ZNF7: variants seen among roughly 807,000 people sequenced by gnomAD.
ZNF7 encodes zinc finger protein 7, also known as C2-H2 type zinc finger protein.
A neutral mutation model predicts 12.0 loss-of-function variants in ZNF7; 10 were observed. The ratio of observed to expected loss-of-function variants is 0.83; its 90% CI spans 0.51 to 1.42. The LOEUF (loss-of-function observed/expected upper bound fraction) is 1.42. Among genes scored for constraint, ZNF7 ranks in the 40% most tolerant of loss-of-function variants. ZNF7 has a pLI of 0.00. For missense variants in ZNF7, 854 were observed against 837.2 expected (o/e 1.02, Z -0.25); for synonymous variants, 334 against 295.0 (o/e 1.13, Z -1.35).
chr8:144,832,613 G>A (rs1044171721), intron 3 of ZNF7, among the ~76,000 whole-genome samples: 10 of 150,126 alleles, frequency 6.7e-5, no homozygotes, highest in Non-Finnish European at 1.5e-4. Context: ...TTGTAATCTT[G>A]GCTTCTCAGG....
downstream of ZNF7, chr8:144,845,848 G>C (rs1385712309): frequency 1.2e-6 from 1 of 826,068 alleles, no homozygotes; most frequent in Non-Finnish European, 1.9e-6. Context: ...CTGTGCACGT[G>C]GAGTATGTGT....
intron 4 of ZNF7, among the ~76,000 whole-genome samples, chr8:144,839,136 G>A (rs369819395): frequency 1.7e-5 from 1 of 59,568 alleles, no homozygotes; most frequent in South Asian, 8.4e-4. Flanking sequence ...ATTCATATGC[G>A]CCTAGGGGCT....
intron 3 of ZNF7, 29 bp downstream of exon 3, chr8:144,829,633 C>G (rs1305624513): frequency 6.3e-7 from 1 of 1,586,086 alleles, no homozygotes; most frequent in African/African-American, 1.3e-5. Context: ...GCCCCTTCCC[C>G]TGCATCATCA....
Position 144,842,391 on chromosome 8 carries a change from GAGTC to G in ZNF7, c.1287_1290del (p.Gln430IlefsTer3), listed in dbSNP as rs1563844081. ...AAGCTTTTAGGTGGATCTCTCGCCT[GAGTC>G]AGCATCAGCTGATTCACACTGGAGA... On this transcript the variant is annotated frameshift_variant, in exon 5 of 5. Coordinates refer to ENST00000532777, the MANE Select transcript of ZNF7 (RefSeq NM_003416.4). LOFTEE classifies it low-confidence loss of function (END_TRUNC). 1 of 1,614,030 alleles carries G rather than the reference GAGTC, an allele frequency of 6.2e-7. No individual in the cohort carries two copies. Among genetic ancestry groups the G allele is most frequent in the Non-Finnish European group, 8.5e-7 (1 of 1,180,026 alleles).
chr8:144,828,846 A>G (rs1828104014), intron 1 of ZNF7, 197 bp from the exon 2 acceptor site: 2 of 660,990 alleles, frequency 3.0e-6, no homozygotes, highest in Non-Finnish European at 5.1e-6. Flanking sequence ...CCACACACAC[A>G]TACACTCTAA....
downstream of ZNF7, chr8:144,846,097 GCT>G (rs1407270010): frequency 6.5e-7 from 1 of 1,535,942 alleles, no homozygotes; most frequent in Non-Finnish European, 8.7e-7. Context: ...CTCCTCCTGG[GCT>G]CTCGTCATCT....
chr8:144,828,668 G>T lies in ZNF7; in HGVS notation c.-45-375G>T, dbSNP rs940476823. Reference sequence around the variant, plus strand: ...GTGGCTTTCATAGTTCCCTGTACTTGAGCGCTGTCGTGGTTGCAGTGTGCT... The same window carrying T: ...GTGGCTTTCATAGTTCCCTGTACTTTAGCGCTGTCGTGGTTGCAGTGTGCT... On this transcript the variant is annotated intron_variant, in intron 1 of 4. Transcript: ENST00000532777. The T allele has an allele frequency of 1.2e-5, 3 of 241,950 alleles. No individual in the cohort carries two copies. In the South Asian group the frequency reaches 1.7e-4, roughly 14 times the overall value. 15.0% of individuals were successfully genotyped at this position (241,950 alleles called of 1,614,324 possible). A position where few individuals can be genotyped will look rare whatever the true frequency, so the allele number is the denominator to read the frequency against.
chr8:144,828,415 CCTGCCTTCTCCAACCTCCAGTCGCTCA>C (rs1287018183), intron 1 of ZNF7, among the ~76,000 whole-genome samples: 99 of 152,118 alleles, frequency 6.5e-4, no homozygotes, highest in Non-Finnish European at 1.2e-3. Context: ...CATTTTTGCT[CCTGCCTTCTCCAACCTCCAGTCGCTCA>C]CTGCCTTCCC....
At position 144,843,104 on chromosome 8, in the gene ZNF7, A is replaced by G. The variant is rs757818311; in HGVS notation, c.1997A>G (p.Asp666Gly). Residue 666 changes from aspartate to glycine, a missense_variant, in exon 5 of 5, where the codon GAC (aspartate) becomes GGC (glycine). By Grantham distance (94) the Asp-to-Gly change is moderately conservative. Transcript: ENST00000532777. ...HTGEKPYKCN[D>G]CGKAFNRSSR... Reference sequence around the variant, plus strand: ...GGGGAGAAGCCTTATAAATGCAATGACTGTGGCAAAGCTTTTAATCGTAGC... The same window carrying G: ...GGGGAGAAGCCTTATAAATGCAATGGCTGTGGCAAAGCTTTTAATCGTAGC... 8.7e-6 allele frequency: 14 copies of G among 1,612,268 alleles called. No individual in the cohort carries two copies. The highest frequency in any genetic ancestry group is 1.2e-5 in the Non-Finnish European group (14 of 1,179,374).
In ZNF7 at chr8:144,842,305, C is replaced by G; in HGVS notation, c.1198C>G (p.Leu400Val). Residue 400 changes from leucine to valine, a missense_variant, in exon 5 of 5, where the codon CTT becomes GTT. Leu to Val is a conservative substitution (Grantham distance 32, BLOSUM62 1). Transcript: ENST00000532777. ...TCTAAAAGCCTCAGACAGTCCAAGC[C>G]TTGTTGCACATCAGAGAATTCACGC... ...QILKASDSPSLVAHQRIHAVE... is the reference protein window; with the variant it reads ...QILKASDSPSVVAHQRIHAVE... 2 of 1,614,024 alleles carry G rather than the reference C, an allele frequency of 1.2e-6. No homozygotes were observed. The highest frequency in any genetic ancestry group is 1.7e-6 in the Non-Finnish European group (2 of 1,180,048).
chr8:144,844,239 C>CA (rs1452402285), downstream of ZNF7, among the ~76,000 whole-genome samples: 2 of 152,280 alleles, frequency 1.3e-5, no homozygotes, highest in East Asian at 1.9e-4. Flanking sequence ...CTGGGCCTGT[C>CA]AGAGAACGAG....
chr8:144,840,185 G>C (rs1455114750), intron 4 of ZNF7, among the ~76,000 whole-genome samples: 1 of 152,266 alleles, frequency 6.6e-6, no homozygotes, highest in African/African-American at 2.4e-5. Context: ...TGCTGAGGTG[G>C]TGTGGTTGTG....
At chr8:144,841,088 G>GT (rs1451650423) in intron 4 of ZNF7, 2 of 448,418 alleles carry the variant, frequency 4.5e-6, no homozygotes, top group Admixed American at 7.8e-5. Flanking sequence ...ACCAGTGCCT[G>GT]TAGGATGGAC....
Position 144,841,506 on chromosome 8 carries a change from C to T in ZNF7, c.399C>T (p.Asp133=). ...TTTCTGATTCTGAGGTCTGGTTAGA[C>T]AGTCATCTGGGCAGTCCCGGGCTGA... ...GDVSDSEVWL[D]SHLGSPGLKV... Residue 133 remains aspartate, a synonymous_variant, in exon 5 of 5, where the codon GAC becomes GAT. Coordinates refer to ENST00000532777, the MANE Select transcript of ZNF7 (RefSeq NM_003416.4). 6.2e-7 allele frequency: 1 copy of T among 1,614,186 alleles called. No homozygotes were observed. Among genetic ancestry groups the T allele is most frequent in the Non-Finnish European group, 8.5e-7 (1 of 1,180,042 alleles).
rs553661336 is a variant in ZNF7, at chr8:144,828,898, A to G, written c.-45-145A>G. 8.8e-6 allele frequency: 9 copies of G among 1,018,460 alleles called. No individual in the cohort carries two copies. In the African/African-American group the frequency reaches 1.3e-4, roughly 14 times the overall value. 63.1% of individuals were successfully genotyped at this position (1,018,460 alleles called of 1,614,324 possible). On this transcript the variant is annotated intron_variant, in intron 1 of 4. Transcript: ENST00000532777. ...AGTGGGCCTCCTTCACTCAAGTGCC[A>G]TGGCTGCTTCAGCCCAGCCCCATGT...
intron 4 of ZNF7, among the ~76,000 whole-genome samples, chr8:144,839,872 G>C (rs1326992565): frequency 1.3e-5 from 2 of 152,324 alleles, no homozygotes; most frequent in East Asian, 3.9e-4. Flanking sequence ...CCCCCTGCTG[G>C]GTGGTTCCTG....
rs2975302 is a variant in ZNF7 at position 144,842,682 on chromosome 8, C to T, written c.1575C>T (p.Tyr525=). 1.0e-3 allele frequency: 1,651 copies of T among 1,614,076 alleles called. 25 individuals carry two copies. In the African/African-American group the frequency reaches 0.019, roughly 19 times the overall value. ...HQRIHKGEKP[Y]ECLQCGKAFS... Reference sequence around the variant, plus strand: ...GAATCCATAAAGGAGAGAAGCCCTACGAATGCCTCCAATGCGGAAAAGCCT... The same window carrying T: ...GAATCCATAAAGGAGAGAAGCCCTATGAATGCCTCCAATGCGGAAAAGCCT... The change falls in exon 5 of 5, where the codon TAC becomes TAT. Residue 525 remains tyrosine (Y), a synonymous_variant. Coordinates refer to ENST00000532777, the MANE Select transcript of ZNF7 (RefSeq NM_003416.4).
chr8:144,842,893 C>G lies in ZNF7; in HGVS notation c.1786C>G (p.Leu596Val). 6.2e-7 allele frequency: 1 copy of G among 1,614,196 alleles called. No individual in the cohort carries two copies. Among genetic ancestry groups the G allele is most frequent in the Non-Finnish European group, 8.5e-7 (1 of 1,180,034 alleles). Residue 596 changes from leucine to valine, a missense_variant, in exon 5 of 5, where the codon CTT (leucine) becomes GTT (valine). Transcript: ENST00000532777. ...CGKAFSRSSY[L>V]IEHQRIHTRA... ...AAAAGCCTTCAGCCGGAGCTCATAT[C>G]TTATTGAACACCAGAGAATACACAC...
chr8:144,842,110 G>C lies in ZNF7; in HGVS notation c.1003G>C (p.Gly335Arg). Residue 335 changes from glycine (G) to arginine (R), a missense_variant, in exon 5 of 5, where the codon GGT becomes CGT. Coordinates refer to ENST00000532777, the MANE Select transcript of ZNF7 (RefSeq NM_003416.4). ...QRIHTGERPY[G>R]CRECGKAFSQ... ...AATCCACACAGGAGAGAGGCCCTATGGTTGTCGTGAGTGTGGGAAAGCCTT... is the reference window on the plus strand; with the variant it reads ...AATCCACACAGGAGAGAGGCCCTATCGTTGTCGTGAGTGTGGGAAAGCCTT... 1 of 1,614,054 alleles carries C rather than the reference G, an allele frequency of 6.2e-7. No homozygotes were observed. Among genetic ancestry groups the C allele is most frequent in the Non-Finnish European group, 8.5e-7 (1 of 1,179,996 alleles).
Sources: gnomAD v4.1 joint callset for allele counts (sites outside exome capture counted in the v4.1 genomes callset) on GRCh38, gnomAD v4.1.1 for gene constraint, MANE v1.5 for transcripts, NCBI Gene and HGNC (gene_info 2026-07-23, HGNC 2026-07-21) for gene names.